CREB5: variants seen among roughly 807,000 people sequenced by gnomAD.
CREB5 encodes cyclic AMP-responsive element-binding protein 5.
In CREB5, 19 loss-of-function variants were observed where a neutral mutation model predicts 57.1. The ratio of observed to expected loss-of-function variants is 0.33; its 90% confidence interval spans 0.23 to 0.49. CREB5 has a LOEUF of 0.49. Ranked by LOEUF, CREB5 falls within the 20% of genes least tolerant of loss-of-function variation. The pLI is 0.99. For missense variants in CREB5, 579 were observed against 671.6 expected, an observed-to-expected ratio of 0.86 and a Z score of 1.52; for synonymous variants, 238 against 238.3, an observed-to-expected ratio of 1.00 and a Z score of 0.01.
chr7:28,515,500 GA>G (rs1792903492), intron 4 of CREB5, among the ~76,000 whole-genome samples: 1 of 152,102 alleles, frequency 6.6e-6, no homozygotes, highest in Admixed American at 6.6e-5. Flanking sequence ...TGTTCCCATT[GA>G]ACATACCACT....
At chr7:28,575,921 CAT>C (rs138491651) in intron 5 of CREB5, among the ~76,000 whole-genome samples, 2,425 of 152,222 alleles carry the variant, frequency 0.016, 63 homozygotes, top group African/African-American at 0.056. Context: ...TGGAACGAAA[CAT>C]AAAGTACTGA....
chr7:28,644,630 A>G (rs1029562871), intron 5 of CREB5, among the ~76,000 whole-genome samples: 1 of 152,186 alleles, frequency 6.6e-6, no homozygotes, highest in African/African-American at 2.4e-5. Flanking sequence ...TTTCAATTTG[A>G]AATGTTTCAA....
At chr7:28,787,969 C>T (rs1044748665) in intron 7 of CREB5, among the ~76,000 whole-genome samples, 4 of 152,156 alleles carry the variant, frequency 2.6e-5, no homozygotes, top group African/African-American at 9.7e-5. Flanking sequence ...TGTTATTTAG[C>T]TGAATTTTGA....
At chr7:28,757,671 C>CAA (rs1008457413) in intron 7 of CREB5, among the ~76,000 whole-genome samples, 5 of 97,274 alleles carry the variant, frequency 5.1e-5, no homozygotes, top group African/African-American at 1.5e-4. Context: ...GACTCCGTCT[C>CAA]AAAAAAAAAA....
At chr7:28,494,244 G>A (rs1213370090) in intron 2 of CREB5, among the ~76,000 whole-genome samples, 1 of 152,130 alleles carries the variant, frequency 6.6e-6, no homozygotes, top group East Asian at 1.9e-4. Flanking sequence ...TGTATAAGAA[G>A]AAATGGAAAA....
intron 5 of CREB5, among the ~76,000 whole-genome samples, chr7:28,662,261 C>G (rs1011063451): frequency 6.6e-6 from 1 of 152,158 alleles, no homozygotes; most frequent in Non-Finnish European, 1.5e-5. Context: ...GAGAAAACAC[C>G]TAACATGGTT....
At chr7:28,639,392 T>C (rs1464363654) in intron 5 of CREB5, among the ~76,000 whole-genome samples, 1 of 152,212 alleles carries the variant, frequency 6.6e-6, no homozygotes, top group African/African-American at 2.4e-5. Flanking sequence ...AAATTTTGTG[T>C]CCTAAGAGCT....
At chr7:28,660,554 A>G (rs913396407) in intron 5 of CREB5, among the ~76,000 whole-genome samples, 3 of 152,126 alleles carry the variant, frequency 2.0e-5, no homozygotes, top group African/African-American at 4.8e-5. Context: ...ACAGACAGGG[A>G]TAAATTGCAC....
intron 5 of CREB5, among the ~76,000 whole-genome samples, chr7:28,696,416 T>C (rs1291827048): frequency 6.6e-6 from 1 of 152,192 alleles, no homozygotes; most frequent in Admixed American, 6.5e-5. Context: ...CCTCCTCTTT[T>C]TCTTCATTCG....
At chr7:28,721,249 C>T (rs1803017635) in intron 6 of CREB5, among the ~76,000 whole-genome samples, 1 of 152,186 alleles carries the variant, frequency 6.6e-6, no homozygotes, top group South Asian at 2.1e-4. Flanking sequence ...TGCTGCCAAA[C>T]ATCCTACAAT....
At chr7:28,517,253 C>T (rs1793005388) in intron 4 of CREB5, among the ~76,000 whole-genome samples, 1 of 152,126 alleles carries the variant, frequency 6.6e-6, no homozygotes, top group African/African-American at 2.4e-5. Context: ...ACTGTCTCTG[C>T]CTCCATCATC....
At chr7:28,456,309 C>T (rs540678075) in intron 1 of CREB5, among the ~76,000 whole-genome samples, 26 of 152,282 alleles carry the variant, frequency 1.7e-4, no homozygotes, top group Non-Finnish European at 2.9e-4. Flanking sequence ...TTGAGATTAT[C>T]GAATTTCACT....
intron 6 of CREB5, among the ~76,000 whole-genome samples, chr7:28,719,974 C>A (rs375285724): frequency 6.6e-6 from 1 of 152,132 alleles, no homozygotes; most frequent in African/African-American, 2.4e-5. Context: ...GCAGGAGAAT[C>A]GCTTGAACCC....
intron 4 of CREB5, among the ~76,000 whole-genome samples, chr7:28,526,865 G>A (rs1304370158): frequency 2.6e-5 from 4 of 152,184 alleles, no homozygotes; most frequent in African/African-American, 9.7e-5. Flanking sequence ...TTCTTTCTTT[G>A]TCAGAAATGT....
At chr7:28,717,558 C>G (rs1387376958) in intron 5 of CREB5, among the ~76,000 whole-genome samples, 3 of 152,204 alleles carry the variant, frequency 2.0e-5, no homozygotes, top group African/African-American at 7.2e-5. Flanking sequence ...TTCTCCTACT[C>G]TGGTTGGGAG....
intron 5 of CREB5, among the ~76,000 whole-genome samples, chr7:28,643,185 G>A (rs1257810220): frequency 3.3e-5 from 5 of 152,060 alleles, no homozygotes; most frequent in Admixed American, 6.6e-5. Context: ...CTCAATTTGC[G>A]TAACAATGTG....
intron 5 of CREB5, chr7:28,615,944 G>A (rs971191870): frequency 3.3e-5 from 5 of 152,160 alleles, no homozygotes; most frequent in African/African-American, 9.7e-5. Flanking sequence ...CTGTAATAAG[G>A]TTCATACTTA....
intron 1 of CREB5, among the ~76,000 whole-genome samples, chr7:28,316,698 A>G (rs942867733): frequency 3.3e-5 from 5 of 152,280 alleles, no homozygotes; most frequent in Middle Eastern, 3.4e-3. Context: ...TATAACTGGC[A>G]GAGTTACATC....
At chr7:28,644,065 A>G (rs1798794783) in intron 5 of CREB5, among the ~76,000 whole-genome samples, 1 of 151,894 alleles carries the variant, frequency 6.6e-6, no homozygotes, top group Non-Finnish European at 1.5e-5. Flanking sequence ...ACAGCAGAAC[A>G]AGATTCAGTG....
Sources: gnomAD v4.1 joint callset for allele counts (sites outside exome capture counted in the v4.1 genomes callset) on GRCh38, gnomAD v4.1.1 for gene constraint, MANE v1.5 for transcripts, NCBI Gene and HGNC (gene_info 2026-07-23, HGNC 2026-07-21) for gene names.